The following CEP112 variants were observed in gnomAD, a reference collection of about 807,000 sequenced individuals.
The protein encoded by CEP112 is centrosomal protein of 112 kDa.
CEP112 carries 127 observed loss-of-function variants against 153.0 expected under a neutral mutation model. The ratio of observed to expected loss-of-function variants is 0.83; its 90% CI spans 0.72 to 0.96. The LOEUF is 0.96. CEP112 is among the 40% of genes least tolerant of loss of function. The pLI is 0.00. For missense variants in CEP112, 1,089 were observed against 1,101.2 expected, an observed-to-expected ratio of 0.99 and a Z score of 0.16; for synonymous variants, 358 against 374.4, an observed-to-expected ratio of 0.96 and a Z score of 0.51.
intron 19 of CEP112, 107 bp from the exon 20 acceptor site, chr17:65,902,441 AT>A: frequency 1.2e-6 from 1 of 831,438 alleles, no homozygotes; most frequent in Non-Finnish European, 1.7e-6. Flanking sequence ...GAAAATTTTT[AT>A]TTTTACATCA....
intron 9 of CEP112, among the ~76,000 whole-genome samples, chr17:66,068,071 T>C (rs1876113098): frequency 6.6e-6 from 1 of 152,206 alleles, no homozygotes; most frequent in African/African-American, 2.4e-5. Flanking sequence ...TGTTAATTTA[T>C]ATTATGTCAG....
intron 19 of CEP112, among the ~76,000 whole-genome samples, chr17:65,924,531 T>C (rs1056018920): frequency 6.6e-5 from 10 of 152,300 alleles, no homozygotes; most frequent in African/African-American, 1.9e-4. Context: ...TCTGCATACA[T>C]GCACACATGA....
intron 18 of CEP112, among the ~76,000 whole-genome samples, chr17:65,953,191 T>C (rs767752261): frequency 1.3e-5 from 2 of 152,212 alleles, no homozygotes; most frequent in Non-Finnish European, 2.9e-5. Context: ...AAATATGTGT[T>C]CTCAGACATG....
intron 23 of CEP112, among the ~76,000 whole-genome samples, chr17:65,730,710 G>A (rs946218369): frequency 3.3e-5 from 5 of 151,872 alleles, no homozygotes; most frequent in Admixed American, 6.6e-5. Context: ...ATTGATTCCT[G>A]TAAGCTTTTA....
intron 16 of CEP112, among the ~76,000 whole-genome samples, chr17:66,024,973 A>T (rs1240265579): frequency 6.6e-6 from 1 of 152,164 alleles, no homozygotes; most frequent in Admixed American, 6.6e-5. Flanking sequence ...CAGAACCCAG[A>T]AACACCACCA....
chr17:65,984,745 A>G (rs1325319432), intron 17 of CEP112, among the ~76,000 whole-genome samples: 1 of 152,238 alleles, frequency 6.6e-6, no homozygotes, highest in Non-Finnish European at 1.5e-5. Context: ...CAAATAGCCC[A>G]AGGCCAAGAT....
At chr17:65,833,352 C>A (rs1043847274) in intron 21 of CEP112, among the ~76,000 whole-genome samples, 1 of 152,068 alleles carries the variant, frequency 6.6e-6, no homozygotes, top group Non-Finnish European at 1.5e-5. Flanking sequence ...GAAGTCCTAG[C>A]CAGAGCAATC....
chr17:66,162,338 G>A (rs542625384), intron 4 of CEP112, among the ~76,000 whole-genome samples: 19 of 152,296 alleles, frequency 1.2e-4, no homozygotes, highest in Admixed American at 6.5e-4. Context: ...TTTCAGCAAG[G>A]ATGGAGAGCC....
At chr17:65,937,888 T>G (rs1158786082) in intron 18 of CEP112, among the ~76,000 whole-genome samples, 4 of 117,268 alleles carry the variant, frequency 3.4e-5, no homozygotes, top group Admixed American at 2.1e-4. Context: ...GGAGCCCCTC[T>G]GCCCGGCCAC....
intron 21 of CEP112, among the ~76,000 whole-genome samples, chr17:65,769,984 A>G (rs2145496892): frequency 6.6e-6 from 1 of 152,216 alleles, no homozygotes; most frequent in African/African-American, 2.4e-5. Flanking sequence ...AGTTTACTGA[A>G]TAATCTCAGT....
At chr17:65,712,764 C>T (rs1425699570) in intron 23 of CEP112, among the ~76,000 whole-genome samples, 1 of 152,156 alleles carries the variant, frequency 6.6e-6, no homozygotes, top group Non-Finnish European at 1.5e-5. Context: ...CTCTAATTTT[C>T]ACTTTTGATG....
chr17:66,150,510 C>G (rs772368593), intron 4 of CEP112, among the ~76,000 whole-genome samples: 1 of 152,192 alleles, frequency 6.6e-6, no homozygotes, highest in East Asian at 1.9e-4. Flanking sequence ...GGATTATAGG[C>G]GTGAGCCATC....
intron 24 of CEP112, among the ~76,000 whole-genome samples, chr17:65,678,697 G>C (rs1598289862): frequency 6.6e-6 from 1 of 152,156 alleles, no homozygotes; most frequent in East Asian, 1.9e-4. Flanking sequence ...CAGGGACGAA[G>C]AGCCACTTCA....
At chr17:65,899,019 C>A (rs1285975588) in intron 20 of CEP112, among the ~76,000 whole-genome samples, 2 of 152,134 alleles carry the variant, frequency 1.3e-5, no homozygotes, top group Non-Finnish European at 2.9e-5. Context: ...TATAGAAATT[C>A]TTTCATTATA....
chr17:65,869,617 T>C (rs2058587918), intron 20 of CEP112, among the ~76,000 whole-genome samples: 2 of 151,370 alleles, frequency 1.3e-5, no homozygotes. Context: ...TCTCACTCTG[T>C]TGCCCAGGCT....
intron 4 of CEP112, among the ~76,000 whole-genome samples, chr17:66,133,118 T>C (rs2070273741): frequency 6.6e-6 from 1 of 151,286 alleles, no homozygotes; most frequent in Non-Finnish European, 1.5e-5. Flanking sequence ...ATACAAGTAA[T>C]AACCTTTTTA....
intron 17 of CEP112, among the ~76,000 whole-genome samples, chr17:65,965,675 C>A (rs935623039): frequency 6.6e-6 from 1 of 151,944 alleles, no homozygotes; most frequent in Non-Finnish European, 1.5e-5. Flanking sequence ...GTGCAAGCCA[C>A]CACCCCTGGC....
At chr17:65,759,453 C>T (rs79736790) in intron 21 of CEP112, among the ~76,000 whole-genome samples, 1,695 of 152,212 alleles carry the variant, frequency 0.011, 16 homozygotes, top group Non-Finnish European at 0.019. Flanking sequence ...TAAAACTCCG[C>T]ACCATCCTAC....
At chr17:65,922,082 G>C (rs1194912450) in intron 19 of CEP112, among the ~76,000 whole-genome samples, 2 of 152,064 alleles carry the variant, frequency 1.3e-5, no homozygotes, top group Non-Finnish European at 2.9e-5. Flanking sequence ...CAAAAAGCCT[G>C]TAATGCCACT....
Sources: gnomAD v4.1 joint callset for allele counts (sites outside exome capture counted in the v4.1 genomes callset) on GRCh38, gnomAD v4.1.1 for gene constraint, MANE v1.5 for transcripts, NCBI Gene and HGNC (gene_info 2026-07-23, HGNC 2026-07-21) for gene names.